Variants in CROCC observed in about 807,000 individuals in gnomAD.
The protein encoded by CROCC is ciliary rootlet coiled-coil, rootletin.
CROCC carries 180 observed loss-of-function variants against 245.2 expected under a neutral mutation model. The observed-to-expected ratio is 0.73, with a 90% confidence interval of 0.65 to 0.83. The LOEUF (loss-of-function observed/expected upper bound fraction) is 0.83, where lower values mean the gene tolerates loss of function less well. Ranked by LOEUF, CROCC falls within the 40% of genes least tolerant of loss-of-function variation. The pLI is 0.00. For missense variants in CROCC, 2,688 were observed against 2,779.4 expected, an observed-to-expected ratio of 0.97 and a Z score of 0.74; for synonymous variants, 1,205 against 1,241.6, an observed-to-expected ratio of 0.97 and a Z score of 0.62.
chr1:16,952,493 A>G (rs1195452162), intron 20 of CROCC, among the ~76,000 whole-genome samples: 1 of 151,840 alleles, frequency 6.6e-6, no homozygotes, highest in Non-Finnish European at 1.5e-5. Flanking sequence ...TAAAAAAAAA[A>G]AAAAAGAAGT....
upstream of CROCC, among the ~76,000 whole-genome samples, chr1:16,916,978 C>T (rs541691701): frequency 1.7e-3 from 259 of 152,324 alleles, no homozygotes; most frequent in African/African-American, 5.9e-3. Context: ...ATAAGCTGGG[C>T]GCGGTGGCGC....
At chr1:16,937,354 AAAAAAAAAAAAC>A (rs2075814095) in intron 9 of CROCC, among the ~76,000 whole-genome samples, 4 of 138,924 alleles carry the variant, frequency 2.9e-5, no homozygotes, top group Non-Finnish European at 6.7e-5. Flanking sequence ...CTCCGTCTCA[AAAAAAAAAAAAC>A]AAAAAAAAAG....
chr1:16,920,715 C>G (rs1168212545), upstream of CROCC, among the ~76,000 whole-genome samples: 1 of 149,692 alleles, frequency 6.7e-6, no homozygotes, highest in African/African-American at 2.4e-5. Context: ...CTCTGGGTCT[C>G]AGGGCCCTGG....
At chr1:16,927,647 G>C (rs1344411830) in intron 3 of CROCC, among the ~76,000 whole-genome samples, 1 of 152,278 alleles carries the variant, frequency 6.6e-6, no homozygotes, top group Non-Finnish European at 1.5e-5. Flanking sequence ...CCTGCGTGGA[G>C]ACAAATGACA....
intron 2 of CROCC, among the ~76,000 whole-genome samples, chr1:16,924,011 C>T (rs1252325750): frequency 2.6e-5 from 4 of 152,366 alleles, no homozygotes; most frequent in African/African-American, 7.2e-5. Flanking sequence ...TCTGAGGCCC[C>T]GGAGAAGAAG....
chr1:16,946,550 GTC>G, intron 16 of CROCC, 145 bp downstream of exon 16: 1 of 1,310,974 alleles, frequency 7.6e-7, no homozygotes, highest in South Asian at 1.4e-5. Context: ...TTCTCTGTCT[GTC>G]TGTCTATCCC....
At position 16,955,415 on chromosome 1, in the gene CROCC, G is replaced by A; in HGVS notation, c.3569G>A (p.Gly1190Asp). ...CGCAAGCTGCGTGAGAGCCAGGAGG[G>A]CCGGGAGGTGCAGCGCCAGGAGGCA... The part of the protein sequence containing the change: ...AQRKLRESQE[G>D]REVQRQEAGE... The change falls in exon 24 of 37, where the codon GGC becomes GAC. Residue 1190 changes from glycine to aspartate, a missense_variant. By Grantham distance (94) the Gly-to-Asp change is moderately conservative. Transcript: ENST00000375541. 1 of 1,602,198 alleles carries A rather than the reference G, an allele frequency of 6.2e-7. No individual in the cohort carries two copies. Among genetic ancestry groups the A allele is most frequent in the Admixed American group, 1.7e-5 (1 of 59,248 alleles).
chr1:16,920,092 A>G (rs1261970013), upstream of CROCC, among the ~76,000 whole-genome samples: 7 of 150,698 alleles, frequency 4.6e-5, no homozygotes, highest in African/African-American at 1.5e-4. Context: ...ATTTATTTAT[A>G]TTTTTGAGAC....
In CROCC at chr1:16,970,817, C is replaced by CTCAGCAATTCCAG. The variant is rs754193775; in HGVS notation, c.5784+52_5784+64dup. 4 of 1,497,536 alleles carry CTCAGCAATTCCAG rather than the reference C, an allele frequency of 2.7e-6. No homozygotes were observed. The South Asian group carries it at 5.5e-5, about 21-fold the overall frequency. 92.8% of individuals were successfully genotyped at this position (1,497,536 alleles called of 1,614,324 possible). A position where few individuals can be genotyped will look rare whatever the true frequency, so the allele number is the denominator to read the frequency against. ...CCCAACTTCATCCCTAGTATGAGTGCTCAGCAATTCCAGTGGAGCTGATGG... is the reference window on the plus strand; with the variant it reads ...CCCAACTTCATCCCTAGTATGAGTGCTCAGCAATTCCAGTCAGCAATTCCAGTGGAGCTGATGG... On this transcript the variant is annotated intron_variant, in intron 35 of 36. Coordinates refer to ENST00000375541, the MANE Select transcript of CROCC (RefSeq NM_014675.5).
chr1:16,925,692 G>A (rs956196005), intron 3 of CROCC, among the ~76,000 whole-genome samples: 1 of 152,268 alleles, frequency 6.6e-6, no homozygotes, highest in Non-Finnish European at 1.5e-5. Context: ...TGGCAGGAGG[G>A]TGTGTGTTCC....
rs79259845 is a variant in CROCC at position 16,970,623 on chromosome 1, C to G, written c.5653-13C>G. On this transcript the variant is annotated splice_polypyrimidine_tract_variant and intron_variant, in intron 34 of 36. Coordinates refer to ENST00000375541, the MANE Select transcript of CROCC (RefSeq NM_014675.5). ...CTCCTGGCACCCTGATCTCCTGTGGCTCTCCTGCCTAGGTGGAGCGGGAGA... is the reference window on the plus strand; with the variant it reads ...CTCCTGGCACCCTGATCTCCTGTGGGTCTCCTGCCTAGGTGGAGCGGGAGA... The G allele has an allele frequency of 3.7e-3, 5,720 of 1,527,318 alleles. 156 individuals are homozygous for G. The African/African-American group carries it at 0.062, about 17-fold the overall frequency. 94.6% of individuals were successfully genotyped at this position (1,527,318 alleles called of 1,614,324 possible).
chr1:16,932,375 G>C (rs2075696625), intron 8 of CROCC, among the ~76,000 whole-genome samples: 1 of 152,260 alleles, frequency 6.6e-6, no homozygotes, highest in Non-Finnish European at 1.5e-5. Context: ...GGGAGGCAGA[G>C]GTTGCGGTGA....
rs2075642647 is a variant in CROCC, at chr1:16,930,354, G to A, written c.683+7G>A. ...TGGAGGAGGAGCAGCAGAGGTGAGG[G>A]CGCAGCAGGGAGGGCCAGGGCTGGC... On this transcript the variant is annotated splice_region_variant and intron_variant, in intron 6 of 36. Coordinates refer to ENST00000375541, the MANE Select transcript of CROCC (RefSeq NM_014675.5). 1 of 1,610,732 alleles carries A rather than the reference G, an allele frequency of 6.2e-7. No individual in the cohort carries two copies. The highest frequency in any genetic ancestry group is 1.3e-5 in the African/African-American group (1 of 75,010).
At chr1:16,931,915 C>A (rs1440335956) in intron 8 of CROCC, among the ~76,000 whole-genome samples, 6 of 151,428 alleles carry the variant, frequency 4.0e-5, no homozygotes, top group African/African-American at 1.5e-4. Flanking sequence ...TGCCGCCACA[C>A]CCAGCTAATT....
At chr1:16,943,190 C>T (rs536149506) in intron 13 of CROCC, among the ~76,000 whole-genome samples, 6 of 151,518 alleles carry the variant, frequency 4.0e-5, no homozygotes, top group East Asian at 1.9e-4. Context: ...TGCAGCAAGC[C>T]GAGATCGTGC....
At chr1:16,957,277 C>T (rs911017997) in intron 25 of CROCC, among the ~76,000 whole-genome samples, 3 of 152,104 alleles carry the variant, frequency 2.0e-5, no homozygotes, top group East Asian at 1.9e-4. Flanking sequence ...TGTGGTGACA[C>T]GCTCCTGGAG....
intron 3 of CROCC, 76 bp from the exon 4 acceptor site, chr1:16,929,770 C>G: frequency 6.9e-7 from 1 of 1,447,466 alleles, no homozygotes; most frequent in Non-Finnish European, 9.0e-7. Flanking sequence ...CTGGGCCCAG[C>G]CTGCCACGCC....
rs907151502 is a variant in CROCC at position 16,954,739 on chromosome 1, C to T, written c.3327C>T (p.Thr1109=). The T allele has an allele frequency of 9.0e-6, 14 of 1,554,112 alleles. No individual in the cohort carries two copies. Among genetic ancestry groups the T allele is most frequent in the East Asian group, 7.3e-5 (3 of 41,310 alleles). ...GAGGAGCCCCTCTGTCCCAGAGCAC[C>T]GTGAACGCTCTGACGTCTGAGCTGC... ...AQSRQEQDRS[T]VNALTSELRD... is the part of the protein sequence containing the mutation. Residue 1109 remains threonine, a synonymous_variant, in exon 23 of 37, where the codon ACC becomes ACT. Transcript: ENST00000375541. The surrounding 1 kb of genome is among the most constrained non-coding windows in gnomAD (Gnocchi z 4.4).
intron 30 of CROCC, among the ~76,000 whole-genome samples, chr1:16,967,291 C>T (rs1199223647): frequency 1.3e-5 from 2 of 152,072 alleles, no homozygotes; most frequent in African/African-American, 4.8e-5. Context: ...TGTGTATGTG[C>T]GTCTGTCGGG....
Sources: allele counts gnomAD v4.1 joint callset (sites outside exome capture counted in the v4.1 genomes callset), GRCh38; gene constraint gnomAD v4.1.1; non-coding constraint Gnocchi (gnomAD v3.1); transcripts MANE v1.5; gene names NCBI Gene and HGNC (gene_info 2026-07-23, HGNC 2026-07-21).